FAM53B: variants seen among roughly 807,000 people sequenced by gnomAD.
The protein encoded by FAM53B is family with sequence similarity 53 member B, also known as protein FAM53B.
Under a neutral mutation model 32.7 loss-of-function variants are expected in FAM53B, and 12 were observed. That is an observed-to-expected ratio of 0.37 (90% CI 0.24 to 0.59). FAM53B has a LOEUF of 0.59. FAM53B is among the 20% of genes least tolerant of loss of function. The pLI, the probability that FAM53B is intolerant of heterozygous loss-of-function variation, is 0.72. For missense variants in FAM53B, 477 were observed against 577.7 expected (o/e 0.83, Z 1.79); for synonymous variants, 234 against 228.7 (o/e 1.02, Z -0.21).
chr10:124,707,057 C>A (rs929692331), intron 1 of FAM53B, among the ~76,000 whole-genome samples, 170 bp from the exon 2 acceptor site: 3 of 152,160 alleles, frequency 2.0e-5, no homozygotes, highest in African/African-American at 7.2e-5. Context: ...CTCAGAGTCC[C>A]CCCGCCCACC....
intron 2 of FAM53B, among the ~76,000 whole-genome samples, chr10:124,703,048 C>CT (rs956429028): frequency 2.8e-4 from 42 of 149,570 alleles, no homozygotes; most frequent in African/African-American, 8.8e-4. Context: ...AGGTGCCATA[C>CT]TTTTTTTTTT....
intron 1 of FAM53B, among the ~76,000 whole-genome samples, chr10:124,723,882 T>C (rs1262148812): frequency 6.6e-6 from 1 of 152,228 alleles, no homozygotes; most frequent in Non-Finnish European, 1.5e-5. Flanking sequence ...ACAAAAAGTA[T>C]TTCTAGGTGA....
chr10:124,667,066 G>A, intron 4 of FAM53B: 1 of 306,458 alleles, frequency 3.3e-6, no homozygotes. Context: ...GTACCCCAAA[G>A]CCCCACTCAG....
chr10:124,641,315 C>T lies in FAM53B; in HGVS notation c.907-17711G>A, dbSNP rs142548066. ...TGAGCCCCCAGTAACCCTTCCAGTG[C>T]AGATGGGAAGTGTGAGCTGTGGTGG... On this transcript the variant is annotated intron_variant, in intron 4 of 4. Coordinates refer to ENST00000337318, the MANE Select transcript of FAM53B (RefSeq NM_014661.4). 1.7e-3 allele frequency among the ~76,000 whole-genome samples: 264 copies of T among 152,364 alleles called. 1 individual carries two copies. The highest frequency in any genetic ancestry group is 6.2e-3 in the African/African-American group (256 of 41,596).
intron 4 of FAM53B, among the ~76,000 whole-genome samples, chr10:124,659,428 G>C (rs1949615377): frequency 6.6e-6 from 1 of 152,258 alleles, no homozygotes; most frequent in Non-Finnish European, 1.5e-5. Context: ...AGTGGTGGAA[G>C]TGGTCTTGGT....
chr10:124,694,761 T>C (rs1022247560), intron 3 of FAM53B, among the ~76,000 whole-genome samples: 1 of 152,130 alleles, frequency 6.6e-6, no homozygotes, highest in East Asian at 1.9e-4. Context: ...AGGTATTCAA[T>C]CCTGTGGGGA....
rs148657072 is a variant in FAM53B, at chr10:124,626,689, T to C, written c.907-3085A>G. On this transcript the variant is annotated intron_variant, in intron 4 of 4. Coordinates refer to ENST00000337318, the MANE Select transcript of FAM53B (RefSeq NM_014661.4). ...CTTTGTCACAGCAGCCCAAACAAAGTAAGACACTTTATGCATTAGCCATAG... is the reference window on the plus strand; with the variant it reads ...CTTTGTCACAGCAGCCCAAACAAAGCAAGACACTTTATGCATTAGCCATAG... Among the ~76,000 whole-genome samples, 90 of 151,698 alleles carry C rather than the reference T, an allele frequency of 5.9e-4. 1 individual carries two copies. The highest frequency in any genetic ancestry group is 3.4e-3 in the Middle Eastern group (1 of 292).
chr10:124,707,566 C>T (rs1265749349), intron 1 of FAM53B, among the ~76,000 whole-genome samples: 1 of 152,176 alleles, frequency 6.6e-6, no homozygotes, highest in African/African-American at 2.4e-5. Context: ...GGTGAAACCC[C>T]ATCTCTACTA....
intron 4 of FAM53B, among the ~76,000 whole-genome samples, chr10:124,670,018 C>T (rs187862720): frequency 6.6e-6 from 1 of 152,204 alleles, no homozygotes; most frequent in Admixed American, 6.5e-5. Context: ...AACACCGGCC[C>T]GTGGATTAGG....
At chr10:124,679,787 T>C (rs1949758168) in intron 4 of FAM53B, among the ~76,000 whole-genome samples, 1 of 152,260 alleles carries the variant, frequency 6.6e-6, no homozygotes, top group Admixed American at 6.5e-5. Flanking sequence ...AAGCCATCTA[T>C]ACAACTGGGC....
At chr10:124,730,992 T>A (rs764507352) in intron 1 of FAM53B, among the ~76,000 whole-genome samples, 1 of 152,224 alleles carries the variant, frequency 6.6e-6, no homozygotes, top group Non-Finnish European at 1.5e-5. Flanking sequence ...AATAAAACTT[T>A]ATTTACAAAT....
intron 1 of FAM53B, among the ~76,000 whole-genome samples, chr10:124,724,877 G>A (rs1192372679): frequency 1.3e-5 from 2 of 152,180 alleles, no homozygotes; most frequent in East Asian, 3.9e-4. Flanking sequence ...TGCTGGGCAC[G>A]CGCTTCCCAC....
At chr10:124,667,376 A>G (rs759084806) in intron 4 of FAM53B, 1 of 763,370 alleles carries the variant, frequency 1.3e-6, no homozygotes, top group South Asian at 1.4e-5. Flanking sequence ...AGACTCAGCC[A>G]CCGCCTGTAA....
In FAM53B at chr10:124,693,005, TC is replaced by T. The variant is rs1204214904; in HGVS notation, c.133+3152del. Among the ~76,000 whole-genome samples the T allele has an allele frequency of 3.3e-5, 5 of 152,260 alleles. No homozygotes were observed. The East Asian group carries it at 7.7e-4, about 24-fold the overall frequency. The stretch of plus-strand genomic sequence containing the variant: ...CTGTCCCCAGCTCTCATGGGAGAAT[TC>T]CACTGATCAGCACCAGAACATGAGT... On this transcript the variant is annotated intron_variant, in intron 3 of 4. Transcript: ENST00000337318.
chr10:124,630,140 G>A (rs1949381100), intron 4 of FAM53B, among the ~76,000 whole-genome samples: 1 of 152,244 alleles, frequency 6.6e-6, no homozygotes, highest in African/African-American at 2.4e-5. Context: ...CAGCCAAGCG[G>A]GGTGGCTCAC....
At chr10:124,632,828 G>A (rs946732872) in intron 4 of FAM53B, among the ~76,000 whole-genome samples, 19 of 152,344 alleles carry the variant, frequency 1.2e-4, no homozygotes, top group African/African-American at 4.6e-4. Context: ...ATCACTCTGG[G>A]CTGTGCTCAG....
chr10:124,718,774 G>C (rs1033777932), intron 1 of FAM53B, among the ~76,000 whole-genome samples: 1 of 152,276 alleles, frequency 6.6e-6, no homozygotes. Flanking sequence ...ACCGCCAGGC[G>C]CAGTGGCTCA....
chr10:124,655,404 G>A (rs1028452149), intron 4 of FAM53B, among the ~76,000 whole-genome samples: 5 of 152,150 alleles, frequency 3.3e-5, no homozygotes, highest in Admixed American at 6.5e-5. Context: ...GAAGACTAGG[G>A]GCTCCTTGAA....
rs1949310964 is a variant in FAM53B at position 124,621,572 on chromosome 10, G to A, written c.*1670C>T. The A allele has an allele frequency of 6.6e-6, 1 of 152,248 alleles. No homozygotes were observed. Among genetic ancestry groups the A allele is most frequent in the South Asian group, 2.1e-4 (1 of 4,834 alleles). 9.4% of individuals were successfully genotyped at this position (152,248 alleles called of 1,614,324 possible). On this transcript the variant is annotated 3_prime_UTR_variant, in exon 5 of 5. Transcript: ENST00000337318. ...CTGTGGGGCTGGGGGCTTTCTGCCA[G>A]CTCCTTAAAGCTGATTTTTAAGAAG...
Sources: allele counts gnomAD v4.1 joint callset (sites outside exome capture counted in the v4.1 genomes callset), GRCh38; gene constraint gnomAD v4.1.1; transcripts MANE v1.5; gene names NCBI Gene and HGNC (gene_info 2026-07-23, HGNC 2026-07-21).